FAM120C: variants seen among roughly 807,000 people sequenced by gnomAD.
The protein encoded by FAM120C is family with sequence similarity 120 member C, also known as constitutive coactivator of PPAR-gamma-like protein 2.
FAM120C carries 14 observed loss-of-function variants against 71.2 expected under a neutral mutation model. The ratio of observed to expected loss-of-function variants is 0.20; its 90% CI spans 0.13 to 0.31. The LOEUF (loss-of-function observed/expected upper bound fraction) is 0.31, where lower values mean the gene tolerates loss of function less well. Ranked by LOEUF, FAM120C falls within the 10% of genes least tolerant of loss-of-function variation. The pLI is 1.00. For missense variants in FAM120C, 500 were observed against 879.0 expected (o/e 0.57, Z 5.45); for synonymous variants, 354 against 353.2 (o/e 1.00, Z -0.03).
At chrX:54,111,253 C>T (rs1557125689) in intron 10 of FAM120C, among the ~76,000 whole-genome samples, 2 of 110,274 alleles carry the variant, frequency 1.8e-5, no homozygotes, top group African/African-American at 6.6e-5. Flanking sequence ...TTTACCACTC[C>T]TATTCAACAT....
chrX:54,182,359 G>A (rs2067354824), intron 1 of FAM120C, 141 bp downstream of exon 1: 2 of 694,929 alleles, frequency 2.9e-6, no homozygotes, highest in East Asian at 3.5e-5. Context: ...AGGGTAGTTA[G>A]GCAGGTAGGT....
chrX:54,182,884 C>CGGT lies in FAM120C; in HGVS notation c.314_315insACC (p.Pro111dup). 1 of 1,138,561 alleles carries CGGT rather than the reference C, an allele frequency of 8.8e-7. No individual in the cohort carries two copies. The highest frequency in any genetic ancestry group is 1.2e-6 in the Non-Finnish European group (1 of 862,219). The allele number at this position is 1,138,561 out of a possible 1,213,427, so 93.8% of individuals were successfully genotyped here. A position where few individuals can be genotyped will look rare whatever the true frequency, so the allele number is the denominator to read the frequency against. On this transcript the variant is annotated inframe_insertion, in exon 1 of 16. Coordinates refer to ENST00000375180, the MANE Select transcript of FAM120C (RefSeq NM_017848.6). Reference sequence around the variant, plus strand: ...GCAGCTGAGGGGGCGGCGGCGGCGGCAGCGGAGGGTGCAGCCCGGGCTGCG... The same window carrying CGGT: ...GCAGCTGAGGGGGCGGCGGCGGCGGCGGTAGCGGAGGGTGCAGCCCGGGCTGCG...
chrX:54,100,616 G>A (rs781929177), intron 10 of FAM120C, among the ~76,000 whole-genome samples: 6 of 112,115 alleles, frequency 5.4e-5, no homozygotes, highest in African/African-American at 1.9e-4. Flanking sequence ...TGAGGCCCCA[G>A]TGAACTGCAC....
intron 1 of FAM120C, among the ~76,000 whole-genome samples, chrX:54,172,067 G>A (rs1219765265): frequency 1.8e-5 from 2 of 112,528 alleles, no homozygotes; most frequent in Non-Finnish European, 3.8e-5. Flanking sequence ...TGCCAAATGA[G>A]TTTCCCAAAG....
rs1557136337 is a variant in FAM120C at position 54,174,086 on chromosome X, C to T, written c.699+8414G>A. ...TTCCTCACTGAGTGTTGGTTGGAGG[C>T]TTCCCTCAGTTTCTTTTCCTGTGGG... On this transcript the variant is annotated intron_variant, in intron 1 of 15. Coordinates refer to ENST00000375180, the MANE Select transcript of FAM120C (RefSeq NM_017848.6). 1.8e-5 allele frequency: 9 copies of T among 510,771 alleles called. No homozygotes were observed. The South Asian group carries it at 2.0e-4, about 11-fold the overall frequency. 42.1% of individuals were successfully genotyped at this position (510,771 alleles called of 1,213,427 possible). A position where few individuals can be genotyped will look rare whatever the true frequency, so the allele number is the denominator to read the frequency against.
chrX:54,141,703 C>T (rs1557131693), intron 4 of FAM120C, among the ~76,000 whole-genome samples: 1 of 110,503 alleles, frequency 9.0e-6, no homozygotes, highest in Non-Finnish European at 1.9e-5. Context: ...TGATCACCTA[C>T]ACAGAAAATC....
At chrX:54,124,041 G>T (rs1280917113) in intron 9 of FAM120C, among the ~76,000 whole-genome samples, 1 of 32,888 alleles carries the variant, frequency 3.0e-5, no homozygotes, top group Non-Finnish European at 5.4e-5. Flanking sequence ...GGGGGTCAGG[G>T]GTCAGGGACC....
chrX:54,080,420 A>T (rs973931872), intron 14 of FAM120C, 131 bp from the exon 15 acceptor site: 26 of 502,855 alleles, frequency 5.2e-5, no homozygotes, highest in Non-Finnish European at 8.2e-5. Flanking sequence ...CAGTGTTACT[A>T]CTGAACATCT....
chrX:54,113,596 G>A (rs1014517405), intron 10 of FAM120C, among the ~76,000 whole-genome samples: 1 of 110,224 alleles, frequency 9.1e-6, no homozygotes, highest in Non-Finnish European at 1.9e-5. Flanking sequence ...TGCAAAATAT[G>A]TATCCAACAA....
chrX:54,156,538 A>G (rs1461967980), intron 3 of FAM120C, among the ~76,000 whole-genome samples: 1 of 108,022 alleles, frequency 9.3e-6, no homozygotes, highest in Non-Finnish European at 1.9e-5. Flanking sequence ...AACAGTCTTG[A>G]TAACAGTGGG....
chrX:54,108,314 T>A (rs184540148), intron 10 of FAM120C, among the ~76,000 whole-genome samples: 1 of 110,331 alleles, frequency 9.1e-6, no homozygotes, highest in Non-Finnish European at 1.9e-5. Context: ...AACTATTATC[T>A]TTGGATGGGA....
At chrX:54,162,742 C>T (rs1173144240) in intron 1 of FAM120C, among the ~76,000 whole-genome samples, 2 of 111,873 alleles carry the variant, frequency 1.8e-5, no homozygotes, top group East Asian at 5.6e-4. Flanking sequence ...CAATTAAGTA[C>T]CTACTATGTA....
intron 5 of FAM120C, among the ~76,000 whole-genome samples, chrX:54,136,084 C>T (rs998799591): frequency 9.1e-5 from 10 of 109,629 alleles, no homozygotes; most frequent in Non-Finnish European, 1.1e-4. Flanking sequence ...CCGCAAACTC[C>T]GCCTCCCGGG....
chrX:54,169,650 A>G (rs1223616722), intron 1 of FAM120C, among the ~76,000 whole-genome samples: 1 of 111,893 alleles, frequency 8.9e-6, no homozygotes, highest in African/African-American at 3.2e-5. Flanking sequence ...GTCTATCTTC[A>G]CTACCTGTTC....
intron 13 of FAM120C, among the ~76,000 whole-genome samples, chrX:54,082,169 C>T (rs5960725): frequency 0.013 from 1,204 of 93,707 alleles, 9 homozygotes; most frequent in Middle Eastern, 0.039. Flanking sequence ...GCCTGGGGGA[C>T]GGAGTAAGAC....
chrX:54,156,115 C>T (rs1480615858), intron 3 of FAM120C, among the ~76,000 whole-genome samples: 2 of 109,444 alleles, frequency 1.8e-5, no homozygotes, highest in Non-Finnish European at 3.8e-5. Flanking sequence ...GTTTTCTTCC[C>T]ATTGCTTCCA....
intron 12 of FAM120C, among the ~76,000 whole-genome samples, chrX:54,086,734 G>A (rs941313295): frequency 9.6e-5 from 7 of 72,965 alleles, no homozygotes; most frequent in Non-Finnish European, 1.7e-4. Context: ...CAGCCTGGGC[G>A]ACAGAGCAAG....
chrX:54,098,782 G>A (rs1282512526), intron 10 of FAM120C, among the ~76,000 whole-genome samples: 1 of 109,705 alleles, frequency 9.1e-6, no homozygotes, highest in Non-Finnish European at 1.9e-5. Flanking sequence ...CGCCATGCCC[G>A]GCTAATTTTT....
At chrX:54,145,655 C>T (rs1365814584) in intron 4 of FAM120C, among the ~76,000 whole-genome samples, 3 of 111,923 alleles carry the variant, frequency 2.7e-5, no homozygotes, top group Admixed American at 1.9e-4. Context: ...AGTCAGGAAA[C>T]AACAGATGCT....
Sources: allele counts gnomAD v4.1 joint callset (sites outside exome capture counted in the v4.1 genomes callset), GRCh38; gene constraint gnomAD v4.1.1; transcripts MANE v1.5; gene names NCBI Gene and HGNC (gene_info 2026-07-23, HGNC 2026-07-21).